ADAMTSL3: variants seen among roughly 807,000 people sequenced by gnomAD.
The protein encoded by ADAMTSL3 is ADAMTS-like protein 3.
In ADAMTSL3, 128 loss-of-function variants were observed where a neutral mutation model predicts 201.7. The observed-to-expected ratio is 0.63, with a 90% CI of 0.55 to 0.73. ADAMTSL3 has a LOEUF of 0.73. ADAMTSL3 is among the 30% of genes least tolerant of loss of function. The pLI is 0.00. For missense variants in ADAMTSL3, 1,990 were observed against 2,119.6 expected (o/e 0.94, Z 1.20); for synonymous variants, 738 against 748.4 (o/e 0.99, Z 0.23).
chr15:84,010,919 C>T (rs2067996369), intron 23 of ADAMTSL3, among the ~76,000 whole-genome samples: 2 of 152,202 alleles, frequency 1.3e-5, no homozygotes. Context: ...CTCCAGTCTA[C>T]ATGAGGTACA....
chr15:83,906,624 A>C (rs1358532347), intron 15 of ADAMTSL3, among the ~76,000 whole-genome samples: 32 of 844 alleles, frequency 0.038, 1 homozygote, highest in Admixed American at 0.19. Flanking sequence ...GCCACACACC[A>C]CACACACACA....
At chr15:84,012,585 G>A (rs1480824) in intron 23 of ADAMTSL3, among the ~76,000 whole-genome samples, 126,612 of 152,176 alleles carry the variant, frequency 0.83, 53,012 homozygotes, top group East Asian at 0.95. Context: ...TCTGATTTTA[G>A]GGACTTATAG....
chr15:83,883,799 C>T (rs924251199), intron 9 of ADAMTSL3, among the ~76,000 whole-genome samples: 9 of 152,024 alleles, frequency 5.9e-5, no homozygotes, highest in African/African-American at 2.2e-4. Flanking sequence ...CTTCTGGCCT[C>T]AAGTGATCCT....
rs190928305 is a variant in ADAMTSL3 at position 83,720,178 on chromosome 15, C to T, written c.189+15670C>T. Among the ~76,000 whole-genome samples the T allele has an allele frequency of 2.6e-5, 4 of 152,262 alleles. No individual in the cohort carries two copies. In the East Asian group the frequency reaches 7.7e-4, roughly 29 times the overall value. On this transcript the variant is annotated intron_variant, in intron 3 of 29. Coordinates refer to ENST00000286744, the MANE Select transcript of ADAMTSL3 (RefSeq NM_207517.3). The stretch of plus-strand genomic sequence containing the variant: ...AGGTTGCAGTGAGCAGAAATCATAC[C>T]ACTGCACTCCAGCCTGGGTGTCAGA...
intron 3 of ADAMTSL3, among the ~76,000 whole-genome samples, chr15:83,767,163 C>T (rs914133734): frequency 6.6e-5 from 10 of 152,142 alleles, no homozygotes; most frequent in African/African-American, 2.4e-4. Context: ...CAGTTGTTCA[C>T]CTGCAAAATG....
intron 1 of ADAMTSL3, among the ~76,000 whole-genome samples, chr15:83,655,147 C>T (rs572764299): frequency 3.9e-5 from 6 of 152,300 alleles, no homozygotes; most frequent in Non-Finnish European, 7.4e-5. Context: ...TAGGCTGGCT[C>T]AGGGGCTGTG....
At chr15:83,743,258 C>A (rs2062485678) in intron 3 of ADAMTSL3, among the ~76,000 whole-genome samples, 1 of 152,174 alleles carries the variant, frequency 6.6e-6, no homozygotes, top group South Asian at 2.1e-4. Flanking sequence ...AAAAAGTGTG[C>A]TTTCCAGCAC....
intron 19 of ADAMTSL3, among the ~76,000 whole-genome samples, chr15:83,963,768 C>A (rs1270982904): frequency 6.6e-6 from 1 of 152,202 alleles, no homozygotes; most frequent in Non-Finnish European, 1.5e-5. Flanking sequence ...TTCTGGCTGG[C>A]ATCTGGCAGG....
intron 19 of ADAMTSL3, among the ~76,000 whole-genome samples, chr15:83,945,319 AG>A (rs2066634599): frequency 6.6e-6 from 1 of 152,182 alleles, no homozygotes; most frequent in African/African-American, 2.4e-5. Flanking sequence ...ACAAAGAGAA[AG>A]GACTGATCCA....
At chr15:83,755,263 T>A in intron 3 of ADAMTSL3, among the ~76,000 whole-genome samples, 1 of 152,326 alleles carries the variant, frequency 6.6e-6, no homozygotes, top group Non-Finnish European at 1.5e-5. Context: ...AAATATATAT[T>A]GTTTAACATT....
chr15:83,890,433 T>C (rs1348525020), intron 11 of ADAMTSL3, among the ~76,000 whole-genome samples, 186 bp downstream of exon 11: 3 of 152,224 alleles, frequency 2.0e-5, no homozygotes, highest in African/African-American at 4.8e-5. Flanking sequence ...GGAATGAAAG[T>C]CTAGCTTTCT....
chr15:83,703,731 A>G (rs1406084349), intron 2 of ADAMTSL3, among the ~76,000 whole-genome samples: 1 of 152,202 alleles, frequency 6.6e-6, no homozygotes, highest in Non-Finnish European at 1.5e-5. Flanking sequence ...AGTTATCAGC[A>G]GCATGAAAAC....
At position 84,039,835 on chromosome 15, in the gene ADAMTSL3, C is replaced by T. The variant is rs544445836; in HGVS notation, c.*2029C>T. The T allele has an allele frequency of 6.5e-6, 1 of 152,704 alleles. No individual in the cohort carries two copies. Among genetic ancestry groups the T allele is most frequent in the Admixed American group, 6.5e-5 (1 of 15,304 alleles). The allele number at this position is 152,704 out of a possible 1,614,324, so 9.5% of individuals were successfully genotyped here. A position where few individuals can be genotyped will look rare whatever the true frequency, so the allele number is the denominator to read the frequency against. On this transcript the variant is annotated 3_prime_UTR_variant, in exon 30 of 30. Coordinates refer to ENST00000286744, the MANE Select transcript of ADAMTSL3 (RefSeq NM_207517.3). ...TTTACTTTGATTATTCAGTGGCATC[C>T]TTATAAATGTAGGCAGCTTATGTGT... is the stretch of plus-strand genomic sequence containing the variant.
At chr15:83,663,802 T>G (rs935610936) in intron 2 of ADAMTSL3, among the ~76,000 whole-genome samples, 6 of 152,270 alleles carry the variant, frequency 3.9e-5, no homozygotes, top group African/African-American at 1.4e-4. Context: ...CCTGAAAATC[T>G]GCAATACAGA....
At chr15:83,972,163 G>T (rs2067209123) in intron 20 of ADAMTSL3, among the ~76,000 whole-genome samples, 1 of 152,110 alleles carries the variant, frequency 6.6e-6, no homozygotes, top group Non-Finnish European at 1.5e-5. Context: ...CATGAGACTT[G>T]CCTAAGGCTC....
chr15:83,982,918 A>T lies in ADAMTSL3; in HGVS notation c.3290A>T (p.Asp1097Val), dbSNP rs1596496286. The T allele has an allele frequency of 6.2e-7, 1 of 1,614,108 alleles. No homozygotes were observed. Among genetic ancestry groups the T allele is most frequent in the East Asian group, 2.2e-5 (1 of 44,880 alleles). ...GAYSMDTAQF[D>V]ELIRNMSQLM... is the part of the protein sequence containing the mutation. ...TATAGCATGGATACAGCCCAGTTTG[A>T]TGAGCTGATAAGAAACATGAGTCAG... Residue 1097 changes from aspartate to valine, a missense_variant, in exon 21 of 30, where the codon GAT becomes GTT. Asp to Val is a radical substitution (Grantham distance 152). Transcript: ENST00000286744.
At chr15:83,831,573 G>C (rs2064157787) in intron 6 of ADAMTSL3, among the ~76,000 whole-genome samples, 1 of 152,138 alleles carries the variant, frequency 6.6e-6, no homozygotes, top group African/African-American at 2.4e-5. Context: ...CTCTCACCCA[G>C]GCTGGAGTGC....
At chr15:83,983,801 C>A (rs2141817117) in intron 21 of ADAMTSL3, among the ~76,000 whole-genome samples, 1 of 152,218 alleles carries the variant, frequency 6.6e-6, no homozygotes, top group Non-Finnish European at 1.5e-5. Flanking sequence ...AGGGGTTAAC[C>A]TTTCTGATGA....
rs183212911 is a variant in ADAMTSL3, at chr15:83,820,320, C to T, written c.600+273C>T. ...CTCAAACTCCTGATCTCAGGTGATT[C>T]GCCTGCCTCAGCCTCTCAAAGTGCT... On this transcript the variant is annotated intron_variant, in intron 6 of 29. Coordinates refer to ENST00000286744, the MANE Select transcript of ADAMTSL3 (RefSeq NM_207517.3). 5.8e-3 allele frequency among the ~76,000 whole-genome samples: 876 copies of T among 152,230 alleles called. 2 individuals carry two copies. Among genetic ancestry groups the T allele is most frequent in the Middle Eastern group, 0.014 (4 of 294 alleles).
Sources: allele counts gnomAD v4.1 joint callset (sites outside exome capture counted in the v4.1 genomes callset), GRCh38; gene constraint gnomAD v4.1.1; transcripts MANE v1.5; gene names NCBI Gene and HGNC (gene_info 2026-07-23, HGNC 2026-07-21).